Variants in ECE1 observed in about 807,000 individuals in gnomAD.
The protein encoded by ECE1 is endothelin-converting enzyme 1.
Under a neutral mutation model 98.6 loss-of-function variants are expected in ECE1, and 35 were observed. That is an observed-to-expected ratio of 0.35 (90% CI 0.27 to 0.47). ECE1 has a LOEUF of 0.47. ECE1 is among the 20% of genes least tolerant of loss of function. The pLI is 1.00. For synonymous variants in ECE1, 394 were observed against 407.1 expected (o/e 0.97, Z 0.39); for missense variants, 814 against 1,025.3 (o/e 0.79, Z 2.81).
chr1:21,236,903 A>T, intron 11 of ECE1, 59 bp from the exon 12 acceptor site: 2 of 1,448,702 alleles, frequency 1.4e-6, no homozygotes, highest in African/African-American at 2.8e-5. Flanking sequence ...TAAATGCAAC[A>T]GGCACCCCGT....
At chr1:21,245,141 T>C in intron 9 of ECE1, 38 bp from the exon 10 acceptor site, 1 of 1,579,956 alleles carries the variant, frequency 6.3e-7, no homozygotes, top group Non-Finnish European at 8.7e-7. Context: ...CAGGGACACC[T>C]AGGCAGGGAG....
rs376206660 is a variant in ECE1 at position 21,258,853 on chromosome 1, G to A, written c.616-14C>T. 8.1e-6 allele frequency: 13 copies of A among 1,613,940 alleles called. No homozygotes were observed. The highest frequency in any genetic ancestry group is 1.1e-5 in the South Asian group (1 of 91,086). On this transcript the variant is annotated splice_polypyrimidine_tract_variant and intron_variant, in intron 5 of 18. Transcript: ENST00000374893. This position sits in a 1 kb window ranked among gnomAD's most constrained non-coding sequence, Gnocchi z 4.2. Reference sequence around the variant, plus strand: ...CCAGCCCCCGAGCTGTGGGGAGGGAGAGCAGGCAGGGAGGTGATGAGGTGG... The same window carrying A: ...CCAGCCCCCGAGCTGTGGGGAGGGAAAGCAGGCAGGGAGGTGATGAGGTGG...
At chr1:21,318,458 TGTC>T (rs1638880239) in intron 1 of ECE1, among the ~76,000 whole-genome samples, 1 of 151,928 alleles carries the variant, frequency 6.6e-6, no homozygotes. Flanking sequence ...GGCCTAGGGG[TGTC>T]CTCCCTGGAG....
Position 21,345,316 on chromosome 1 carries a change from G to A in ECE1, c.3+60C>T, listed in dbSNP as rs1049264673. The A allele has an allele frequency of 5.2e-6, 7 of 1,338,496 alleles. No individual in the cohort carries two copies. In the African/African-American group the frequency reaches 7.6e-5, roughly 15 times the overall value. 82.9% of individuals were successfully genotyped at this position (1,338,496 alleles called of 1,614,324 possible). A position where few individuals can be genotyped will look rare whatever the true frequency, so the allele number is the denominator to read the frequency against. The stretch of plus-strand genomic sequence containing the variant: ...GGCCCCGGGTGCCACCCGCGGCACC[G>A]CTGCCCGCGACCGTCGAGGCTGGGC... On this transcript the variant is annotated intron_variant, in intron 1 of 18. Coordinates refer to the ECE1 transcript ENST00000415912. This position sits in a 1 kb window ranked among gnomAD's most constrained non-coding sequence, Gnocchi z 5.1.
intron 1 of ECE1, among the ~76,000 whole-genome samples, chr1:21,325,480 T>C (rs1639058089): frequency 6.6e-6 from 1 of 150,544 alleles, no homozygotes; most frequent in Non-Finnish European, 1.5e-5. Context: ...TCTCATCCTC[T>C]TTTGCTGGCC....
In ECE1 at chr1:21,275,866, C is replaced by A. The variant is rs1236437018; in HGVS notation, c.281-2955G>T. Among the ~76,000 whole-genome samples, 5 of 152,056 alleles carry A rather than the reference C, an allele frequency of 3.3e-5. No individual in the cohort carries two copies. In the East Asian group the frequency reaches 5.8e-4, roughly 18 times the overall value. On this transcript the variant is annotated intron_variant, in intron 3 of 18. Coordinates refer to ENST00000374893, the MANE Select transcript of ECE1 (RefSeq NM_001397.3). ...CCCCTTCCCTCTCTGGGCCCCTCAG[C>A]GGCCTGGGTGCCTGCTCTGCTACTG...
At chr1:21,320,001 T>C (rs1218957240) in intron 1 of ECE1, among the ~76,000 whole-genome samples, 1 of 152,164 alleles carries the variant, frequency 6.6e-6, no homozygotes, top group Non-Finnish European at 1.5e-5. Flanking sequence ...ACACATAAAA[T>C]ACACCAACGA....
Position 21,312,541 on chromosome 1 carries a change from AG to A in ECE1, c.4-22386del, listed in dbSNP as rs372529725. ...TGAGGCAGGAGGATCGCTTGAGCTC[AG>A]GGAGGTCAAGGTTACTGTGAGCTAT... On this transcript the variant is annotated intron_variant, in intron 1 of 18. Transcript: ENST00000415912. Among the ~76,000 whole-genome samples, 725 of 152,304 alleles carry A rather than the reference AG, an allele frequency of 4.8e-3. 3 individuals carry two copies. The highest frequency in any genetic ancestry group is 0.016 in the African/African-American group (666 of 41,564).
At chr1:21,227,122 A>T (rs773882542) in intron 16 of ECE1, 37 bp downstream of exon 16, 1 of 1,604,176 alleles carries the variant, frequency 6.2e-7, no homozygotes, top group Non-Finnish European at 8.5e-7. Context: ...CACGGAGATT[A>T]CAGGCATGAG....
Position 21,248,762 on chromosome 1 carries a change from T to C in ECE1, c.1021-1399A>G, listed in dbSNP as rs558945710. Among the ~76,000 whole-genome samples the C allele has an allele frequency of 1.8e-4, 28 of 152,124 alleles. No homozygotes were observed. In the East Asian group the frequency reaches 4.7e-3, roughly 25 times the overall value. On this transcript the variant is annotated intron_variant, in intron 8 of 18. Coordinates refer to ENST00000374893, the MANE Select transcript of ECE1 (RefSeq NM_001397.3). ...GCCTCAGCCTCCCTAGTAGCTGGGA[T>C]TACAGGTGTGAGCCACCACTCCTGG...
intron 1 of ECE1, chr1:21,298,298 C>T (rs145332134): frequency 1.0e-4 from 18 of 174,306 alleles, no homozygotes; most frequent in African/African-American, 3.1e-4. Flanking sequence ...CTCAGCTTAA[C>T]GCGCTTTCCT....
intron 8 of ECE1, among the ~76,000 whole-genome samples, chr1:21,249,557 G>T (rs1215410834): frequency 6.6e-6 from 1 of 152,048 alleles, no homozygotes; most frequent in Admixed American, 6.6e-5. Context: ...AACTTAGCTA[G>T]GCATGGAGGT....
In ECE1 at chr1:21,235,950, G is replaced by T. The variant is rs2098187440; in HGVS notation, c.1489-23C>A. The T allele has an allele frequency of 6.2e-7, 1 of 1,611,166 alleles. No individual in the cohort carries two copies. The highest frequency in any genetic ancestry group is 8.5e-7 in the Non-Finnish European group (1 of 1,177,272). On this transcript the variant is annotated intron_variant, in intron 12 of 18. Coordinates refer to ENST00000374893, the MANE Select transcript of ECE1 (RefSeq NM_001397.3). This position sits in a 1 kb window ranked among gnomAD's most constrained non-coding sequence, Gnocchi z 4.2. ...GGCCTGGACAGGACAGACAGAGGAA[G>T]TGAGTGCCCGGCAACATCGACCAGG...
At chr1:21,253,243 G>C (rs1324338941) in intron 8 of ECE1, among the ~76,000 whole-genome samples, 13 of 151,848 alleles carry the variant, frequency 8.6e-5, no homozygotes, top group Admixed American at 8.5e-4. Context: ...TTTTAGTAGA[G>C]ACGGGGTTTT....
At chr1:21,303,898 G>A (rs1467557237) in intron 1 of ECE1, among the ~76,000 whole-genome samples, 1 of 151,948 alleles carries the variant, frequency 6.6e-6, no homozygotes, top group African/African-American at 2.4e-5. Flanking sequence ...TGATCTGCCT[G>A]CCTCGACCTC....
rs2098167645 is a variant in ECE1 at position 21,221,681 on chromosome 1, C to T, written c.2136+66G>A. 62 of 1,553,752 alleles carry T rather than the reference C, an allele frequency of 4.0e-5. 1 individual carries two copies. In the South Asian group the frequency reaches 6.7e-4, roughly 17 times the overall value. On this transcript the variant is annotated intron_variant, in intron 18 of 18. Coordinates refer to ENST00000374893, the MANE Select transcript of ECE1 (RefSeq NM_001397.3). ...TGTGGGGAACTTGCCTTTCGGCTCT[C>T]TGGGCTCTTGAAACATCAAGATGGC...
At chr1:21,273,350 T>TGC (rs1553363405) in intron 3 of ECE1, among the ~76,000 whole-genome samples, 5 of 76,212 alleles carry the variant, frequency 6.6e-5, no homozygotes, top group South Asian at 4.2e-4. Flanking sequence ...TGTGTGCGTG[T>TGC]GTGTGTGTGT....
chr1:21,240,455 C>G (rs1355994344), intron 10 of ECE1, among the ~76,000 whole-genome samples: 2 of 152,158 alleles, frequency 1.3e-5, no homozygotes, highest in African/African-American at 4.8e-5. Context: ...CCACAGCACT[C>G]CAGCCTGGGT....
intron 1 of ECE1, among the ~76,000 whole-genome samples, chr1:21,324,399 TCC>T (rs769420950): frequency 1.3e-5 from 2 of 152,140 alleles, no homozygotes; most frequent in African/African-American, 2.4e-5. Context: ...ACAGGGACAC[TCC>T]ACCCACTCAG....
Sources: allele counts gnomAD v4.1 joint callset (sites outside exome capture counted in the v4.1 genomes callset), GRCh38; gene constraint gnomAD v4.1.1; non-coding constraint Gnocchi (gnomAD v3.1); transcripts MANE v1.5; gene names NCBI Gene and HGNC (gene_info 2026-07-23, HGNC 2026-07-21).